Variants in ARHGEF28 observed in about 807,000 individuals in gnomAD.
ARHGEF28 encodes the protein Rho guanine nucleotide exchange factor 28.
ARHGEF28 carries 152 observed loss-of-function variants against 206.6 expected under a neutral mutation model. The observed-to-expected ratio is 0.74, with a 90% confidence interval of 0.64 to 0.84. The LOEUF is 0.84. ARHGEF28 is among the 40% of genes least tolerant of loss of function. The pLI is 0.00. For missense variants in ARHGEF28, 2,028 were observed against 2,073.2 expected, an observed-to-expected ratio of 0.98 and a Z score of 0.42; for synonymous variants, 763 against 776.4, an observed-to-expected ratio of 0.98 and a Z score of 0.29.
At chr5:73,849,911 A>G (rs529179105) in intron 13 of ARHGEF28, among the ~76,000 whole-genome samples, 1 of 151,948 alleles carries the variant, frequency 6.6e-6, no homozygotes, top group Non-Finnish European at 1.5e-5. Context: ...ATTTTTGTCA[A>G]TGTCTTAGAG....
chr5:73,708,375 C>T (rs887621892), intron 2 of ARHGEF28, among the ~76,000 whole-genome samples: 1 of 151,952 alleles, frequency 6.6e-6, no homozygotes, highest in African/African-American at 2.4e-5. Context: ...CTTAATAATC[C>T]CCAGTGTCTG....
At chr5:73,754,053 A>G (rs1752172914) in intron 4 of ARHGEF28, among the ~76,000 whole-genome samples, 1 of 152,240 alleles carries the variant, frequency 6.6e-6, no homozygotes, top group South Asian at 2.1e-4. Context: ...TATTAAATAC[A>G]ACATATATTA....
At chr5:73,677,624 T>A (rs1350072317) in intron 1 of ARHGEF28, among the ~76,000 whole-genome samples, 1 of 152,362 alleles carries the variant, frequency 6.6e-6, no homozygotes, top group East Asian at 1.9e-4. Flanking sequence ...TACTTTTTTT[T>A]AGAGTTAACA....
intron 14 of ARHGEF28, among the ~76,000 whole-genome samples, chr5:73,855,360 A>G (rs2112607165): frequency 6.6e-6 from 1 of 152,316 alleles, no homozygotes; most frequent in Non-Finnish European, 1.5e-5. Flanking sequence ...TTCATATTTC[A>G]TAATTAATAA....
chr5:73,682,911 G>A (rs1480853398), intron 1 of ARHGEF28, among the ~76,000 whole-genome samples: 1 of 152,172 alleles, frequency 6.6e-6, no homozygotes, highest in Admixed American at 6.5e-5. Flanking sequence ...AGGGAGGCAA[G>A]GGTGCAGGGA....
At chr5:73,863,912 T>G (rs1759547723) in intron 16 of ARHGEF28, among the ~76,000 whole-genome samples, 1 of 152,138 alleles carries the variant, frequency 6.6e-6, no homozygotes, top group Non-Finnish European at 1.5e-5. Context: ...ACCTGCAGCC[T>G]GAGGACAGTT....
chr5:73,935,147 T>G (rs939898363), intron 35 of ARHGEF28, among the ~76,000 whole-genome samples: 2 of 152,218 alleles, frequency 1.3e-5, no homozygotes, highest in East Asian at 3.9e-4. Context: ...TATTGACTAT[T>G]CCAAATATGT....
At chr5:73,659,463 G>A (rs1309385696) in intron 1 of ARHGEF28, among the ~76,000 whole-genome samples, 1 of 152,026 alleles carries the variant, frequency 6.6e-6, no homozygotes. Flanking sequence ...CCAGGAGGTG[G>A]AGGTTGCAGT....
chr5:73,844,996 G>A (rs1579976959), intron 11 of ARHGEF28, among the ~76,000 whole-genome samples: 1 of 147,280 alleles, frequency 6.8e-6, no homozygotes. Flanking sequence ...CTAAGGTAGA[G>A]TTTTCAAAGG....
chr5:73,735,621 T>C (rs776300398), intron 2 of ARHGEF28, among the ~76,000 whole-genome samples: 20 of 152,366 alleles, frequency 1.3e-4, no homozygotes, highest in Non-Finnish European at 2.6e-4. Flanking sequence ...CCAATCTCGA[T>C]AGCAGCCTTC....
intron 17 of ARHGEF28, 48 bp downstream of exon 17, chr5:73,864,920 T>C (rs760320348): frequency 6.5e-7 from 1 of 1,544,916 alleles, no homozygotes; most frequent in Admixed American, 1.8e-5. Context: ...GGTTGCTTCA[T>C]AGTATCTATT....
At chr5:73,904,723 A>G in intron 33 of ARHGEF28, 1 of 301,942 alleles carries the variant, frequency 3.3e-6, no homozygotes, top group Non-Finnish European at 6.1e-6. Flanking sequence ...TTTTCTGATG[A>G]AAACCTAAAT....
At chr5:73,794,578 AT>A in intron 8 of ARHGEF28, 124 bp downstream of exon 8, 1 of 800,938 alleles carries the variant, frequency 1.2e-6, no homozygotes, top group Non-Finnish European at 2.0e-6. Context: ...CACTTTCAGA[AT>A]AATGTGAAAT....
Position 73,836,806 on chromosome 5 carries a change from G to A in ARHGEF28, c.1147-3674G>A, listed in dbSNP as rs142476549. On this transcript the variant is annotated intron_variant, in intron 10 of 35. Coordinates refer to ENST00000513042, the MANE Select transcript of ARHGEF28 (RefSeq NM_001177693.2). ...TTATGGTCTCAGGTTTTATGTTAAA[G>A]CCTTTATTGCATTTTGAGTTGATAT... 3.9e-5 allele frequency among the ~76,000 whole-genome samples: 6 copies of A among 152,192 alleles called. No homozygotes were observed. In the East Asian group the frequency reaches 1.2e-3, roughly 29 times the overall value.
intron 14 of ARHGEF28, among the ~76,000 whole-genome samples, chr5:73,855,519 G>A (rs1038026702): frequency 2.0e-5 from 3 of 152,082 alleles, no homozygotes; most frequent in Non-Finnish European, 4.4e-5. Flanking sequence ...ATCACCAGAG[G>A]TCAGGAGTTC....
chr5:73,649,800 C>G (rs1035502680), intron 1 of ARHGEF28, among the ~76,000 whole-genome samples: 5 of 152,074 alleles, frequency 3.3e-5, no homozygotes, highest in African/African-American at 1.2e-4. Flanking sequence ...CCTCCATTGC[C>G]CAAGTAGCCA....
At chr5:73,880,709 G>T (rs1760867153) in intron 22 of ARHGEF28, among the ~76,000 whole-genome samples, 1 of 152,198 alleles carries the variant, frequency 6.6e-6, no homozygotes, top group Non-Finnish European at 1.5e-5. Context: ...GAGGTGGATG[G>T]ATCACTTGAG....
At chr5:73,771,578 A>G (rs1313778008) in intron 4 of ARHGEF28, among the ~76,000 whole-genome samples, 1 of 151,682 alleles carries the variant, frequency 6.6e-6, no homozygotes, top group East Asian at 1.9e-4. Flanking sequence ...ATTCCATCTT[A>G]GTATGCCTGG....
intron 18 of ARHGEF28, among the ~76,000 whole-genome samples, chr5:73,867,359 A>G (rs769974101): frequency 1.6e-4 from 24 of 152,300 alleles, no homozygotes; most frequent in South Asian, 1.0e-3. Context: ...TTAGTTTTCC[A>G]TGTGTGAGAG....
Sources: allele counts gnomAD v4.1 joint callset (sites outside exome capture counted in the v4.1 genomes callset), GRCh38; gene constraint gnomAD v4.1.1; transcripts MANE v1.5; gene names NCBI Gene and HGNC (gene_info 2026-07-23, HGNC 2026-07-21).